KCNIP4: variants seen among roughly 807,000 people sequenced by gnomAD.
KCNIP4 encodes the protein Kv channel-interacting protein 4.
In KCNIP4, 12 loss-of-function variants were observed where a neutral mutation model predicts 34.0. The observed-to-expected ratio is 0.35, with a 90% CI of 0.23 to 0.57. The LOEUF (loss-of-function observed/expected upper bound fraction) is 0.57, where lower values mean the gene tolerates loss of function less well. Among genes scored for constraint, KCNIP4 ranks in the 20% least tolerant of loss-of-function variants. The probability of loss-of-function intolerance (pLI) is 0.83; values close to 1 mark genes in which losing one functional copy is unlikely to be tolerated. For missense variants in KCNIP4, 238 were observed against 311.7 expected, an observed-to-expected ratio of 0.76 and a Z score of 1.78; for synonymous variants, 124 against 102.2, an observed-to-expected ratio of 1.21 and a Z score of -1.29.
chr4:21,570,945 C>T (rs429783), intron 1 of KCNIP4, among the ~76,000 whole-genome samples: 1 of 152,014 alleles, frequency 6.6e-6, no homozygotes, highest in African/African-American at 2.4e-5. Context: ...ATTGGTTCGA[C>T]GTGGTTGAAC....
chr4:21,639,737 T>C (rs1746480357), intron 1 of KCNIP4, among the ~76,000 whole-genome samples: 2 of 152,196 alleles, frequency 1.3e-5, no homozygotes, highest in Non-Finnish European at 2.9e-5. Context: ...TTATGGGTTC[T>C]TTGAGGATTA....
At chr4:21,083,048 T>A (rs949700258) in intron 1 of KCNIP4, among the ~76,000 whole-genome samples, 1 of 151,854 alleles carries the variant, frequency 6.6e-6, no homozygotes, top group Non-Finnish European at 1.5e-5. Context: ...GGGGTTTGGA[T>A]GCAGGTCTCT....
intron 1 of KCNIP4, among the ~76,000 whole-genome samples, chr4:21,881,752 G>C (rs992252147): frequency 6.6e-6 from 1 of 152,118 alleles, no homozygotes; most frequent in Non-Finnish European, 1.5e-5. Flanking sequence ...TGGGTGAATT[G>C]CAAGTAGTCC....
intron 1 of KCNIP4, among the ~76,000 whole-genome samples, chr4:21,900,463 C>A (rs1727642795): frequency 6.6e-6 from 1 of 152,158 alleles, no homozygotes; most frequent in African/African-American, 2.4e-5. Context: ...AGAGAAAGGT[C>A]CTTCTTGCCT....
chr4:21,476,272 T>C (rs1423002941), intron 1 of KCNIP4, among the ~76,000 whole-genome samples: 2 of 152,220 alleles, frequency 1.3e-5, no homozygotes, highest in African/African-American at 4.8e-5. Flanking sequence ...CTGCTGAAAC[T>C]AGCATAAGAA....
intron 1 of KCNIP4, among the ~76,000 whole-genome samples, chr4:21,832,700 A>C (rs1723066330): frequency 6.9e-6 from 1 of 144,550 alleles, no homozygotes; most frequent in African/African-American, 2.6e-5. Context: ...CTAACTCGTC[A>C]TCTAGCATTA....
chr4:20,839,313 TAG>T (rs1183150385), intron 3 of KCNIP4, among the ~76,000 whole-genome samples: 1 of 152,006 alleles, frequency 6.6e-6, no homozygotes, highest in African/African-American at 2.4e-5. Flanking sequence ...TATACATCTA[TAG>T]AGATATAGAT....
intron 1 of KCNIP4, among the ~76,000 whole-genome samples, chr4:21,643,067 A>C (rs1746729512): frequency 6.6e-6 from 1 of 152,204 alleles, no homozygotes; most frequent in Admixed American, 6.5e-5. Context: ...GTAATGAAAT[A>C]AGAGTTACAG....
intron 1 of KCNIP4, among the ~76,000 whole-genome samples, chr4:20,998,178 G>C (rs1211667670): frequency 6.6e-6 from 1 of 152,218 alleles, no homozygotes; most frequent in Non-Finnish European, 1.5e-5. Context: ...GTAGCCAACA[G>C]TGCCAGAGCA....
At chr4:21,487,663 T>G (rs1732031536) in intron 1 of KCNIP4, among the ~76,000 whole-genome samples, 1 of 152,242 alleles carries the variant, frequency 6.6e-6, no homozygotes. Flanking sequence ...GGAATTCTTC[T>G]GCATAGAGAC....
intron 1 of KCNIP4, among the ~76,000 whole-genome samples, chr4:21,021,097 T>C (rs1237684804): frequency 2.0e-5 from 3 of 152,198 alleles, no homozygotes; most frequent in African/African-American, 7.2e-5. Flanking sequence ...TTATTGCTCC[T>C]AGGCTGCAAA....
At chr4:21,309,034 C>G (rs542827608) in intron 1 of KCNIP4, among the ~76,000 whole-genome samples, 4 of 152,244 alleles carry the variant, frequency 2.6e-5, no homozygotes, top group African/African-American at 9.6e-5. Context: ...TTCAAAATCA[C>G]CAGTTAACTC....
At chr4:21,434,257 G>A (rs1350167630) in intron 1 of KCNIP4, among the ~76,000 whole-genome samples, 3 of 152,166 alleles carry the variant, frequency 2.0e-5, no homozygotes, top group Admixed American at 2.0e-4. Context: ...TAAGGATACT[G>A]ATAAAATTCC....
At position 21,595,974 on chromosome 4, in the gene KCNIP4, T is replaced by G. The variant is rs1742613557; in HGVS notation, c.61+352597A>C. ...ATCTCCTGCTTTCCAGAGCAACTTGTGTTGAAGCACAGAGAAAGTGTTGAG... is the reference window on the plus strand; with the variant it reads ...ATCTCCTGCTTTCCAGAGCAACTTGGGTTGAAGCACAGAGAAAGTGTTGAG... On this transcript the variant is annotated intron_variant, in intron 1 of 8. Coordinates refer to ENST00000382152, the MANE Select transcript of KCNIP4 (RefSeq NM_025221.6). Among the ~76,000 whole-genome samples the G allele has an allele frequency of 2.6e-5, 4 of 152,240 alleles. No individual in the cohort carries two copies. In the South Asian group the frequency reaches 8.3e-4, roughly 32 times the overall value.
At chr4:21,772,387 T>G (rs1718860237) in intron 1 of KCNIP4, among the ~76,000 whole-genome samples, 1 of 152,194 alleles carries the variant, frequency 6.6e-6, no homozygotes. Context: ...GATGTTTTCT[T>G]TTTTTGTTTT....
At chr4:21,513,898 G>T (rs778142681) in intron 1 of KCNIP4, among the ~76,000 whole-genome samples, 3 of 152,162 alleles carry the variant, frequency 2.0e-5, no homozygotes, top group Non-Finnish European at 4.4e-5. Context: ...GTAGGAGAAG[G>T]ATTTAGGAGA....
At chr4:21,525,763 G>A (rs1577525779) in intron 1 of KCNIP4, among the ~76,000 whole-genome samples, 2 of 152,070 alleles carry the variant, frequency 1.3e-5, no homozygotes, top group East Asian at 1.9e-4. Context: ...CTTAAGTGAT[G>A]CACTCTTTAT....
intron 1 of KCNIP4, among the ~76,000 whole-genome samples, chr4:21,347,295 T>A (rs1717544431): frequency 6.6e-6 from 1 of 152,148 alleles, no homozygotes; most frequent in South Asian, 2.1e-4. Flanking sequence ...GAGCAGGCAA[T>A]GCTGCAGTAG....
chr4:20,772,511 G>T (rs1755988213), intron 3 of KCNIP4, among the ~76,000 whole-genome samples: 1 of 152,150 alleles, frequency 6.6e-6, no homozygotes, highest in Non-Finnish European at 1.5e-5. Context: ...CCCAGGTGAG[G>T]GGTTGGAGGA....
Sources: gnomAD v4.1 joint callset for allele counts (sites outside exome capture counted in the v4.1 genomes callset) on GRCh38, gnomAD v4.1.1 for gene constraint, MANE v1.5 for transcripts, NCBI Gene and HGNC (gene_info 2026-07-23, HGNC 2026-07-21) for gene names.